Variants in SOX5 observed in about 807,000 individuals in gnomAD.
SOX5 encodes SRY-box transcription factor 5.
Under a neutral mutation model 92.0 loss-of-function variants are expected in SOX5, and 9 were observed. The observed-to-expected ratio is 0.10, with a 90% CI of 0.06 to 0.17. SOX5 has a LOEUF of 0.17. Among genes scored for constraint, SOX5 ranks in the 10% least tolerant of loss-of-function variants. The pLI, the probability that SOX5 is intolerant of heterozygous loss-of-function variation, is 1.00. For missense variants in SOX5, 642 were observed against 944.5 expected (o/e 0.68, Z 4.20); for synonymous variants, 344 against 336.3 (o/e 1.02, Z -0.25).
chr12:23,595,839 T>C (rs1952321428), intron 9 of SOX5, among the ~76,000 whole-genome samples: 1 of 152,154 alleles, frequency 6.6e-6, no homozygotes, highest in African/African-American at 2.4e-5. Context: ...ATTCCAGTTA[T>C]GAGCACACTA....
intron 4 of SOX5, among the ~76,000 whole-genome samples, chr12:24,103,310 T>C (rs138089991): frequency 1.3e-5 from 2 of 152,146 alleles, no homozygotes; most frequent in East Asian, 3.9e-4. Flanking sequence ...TTTCTTGGCT[T>C]TCAGGATCTC....
chr12:24,518,848 TG>T (rs947006168), intron 1 of SOX5, among the ~76,000 whole-genome samples: 1 of 152,230 alleles, frequency 6.6e-6, no homozygotes, highest in Non-Finnish European at 1.5e-5. Flanking sequence ...ATCATTAAAT[TG>T]TTTTACTTCC....
chr12:23,995,947 T>A (rs1950992347), intron 4 of SOX5, among the ~76,000 whole-genome samples: 1 of 152,198 alleles, frequency 6.6e-6, no homozygotes, highest in African/African-American at 2.4e-5. Flanking sequence ...CCTTGGGATA[T>A]ATGTCAGCTC....
At chr12:24,088,754 C>G (rs1944305067) in intron 4 of SOX5, among the ~76,000 whole-genome samples, 1 of 152,074 alleles carries the variant, frequency 6.6e-6, no homozygotes, top group South Asian at 2.1e-4. Context: ...TTAAACTTTT[C>G]CAATTCAACA....
rs76971952 is a variant in SOX5 at position 24,114,052 on chromosome 12, T to G, written c.-2+99291A>C. ...TTGAAGGACTGAGGAGAATTTAGAATTATGGCTAGCATCTGACCCATCTTC... is the reference window on the plus strand; with the variant it reads ...TTGAAGGACTGAGGAGAATTTAGAAGTATGGCTAGCATCTGACCCATCTTC... On this transcript the variant is annotated intron_variant, in intron 4 of 4. Coordinates refer to the SOX5 transcript ENST00000446891. 4.2e-3 allele frequency among the ~76,000 whole-genome samples: 642 copies of G among 152,322 alleles called. 5 individuals carry two copies. The highest frequency in any genetic ancestry group is 0.015 in the African/African-American group (606 of 41,576).
chr12:24,466,287 G>A (rs1002777009), intron 1 of SOX5, among the ~76,000 whole-genome samples: 2 of 151,468 alleles, frequency 1.3e-5, no homozygotes, highest in Non-Finnish European at 2.9e-5. Flanking sequence ...GTATAGCCCA[G>A]GCTGCTGGAG....
intron 6 of SOX5, among the ~76,000 whole-genome samples, chr12:23,713,512 A>G (rs2092240162): frequency 6.6e-6 from 1 of 152,118 alleles, no homozygotes; most frequent in African/African-American, 2.4e-5. Flanking sequence ...GATAATCTAC[A>G]TCATTAATTC....
At chr12:24,142,942 A>G (rs10842281) in intron 4 of SOX5, among the ~76,000 whole-genome samples, 43,228 of 151,538 alleles carry the variant, frequency 0.29, 6,669 homozygotes, top group Non-Finnish European at 0.35. Flanking sequence ...GCACGTGTGC[A>G]AGGAAACTGC....
intron 6 of SOX5, among the ~76,000 whole-genome samples, chr12:23,683,248 T>C (rs1349102923): frequency 1.3e-5 from 2 of 151,904 alleles, no homozygotes; most frequent in Non-Finnish European, 2.9e-5. Context: ...CTTAGCTTTT[T>C]AGTTATTCTG....
At chr12:24,397,355 T>A (rs1960307771) in intron 1 of SOX5, among the ~76,000 whole-genome samples, 1 of 152,190 alleles carries the variant, frequency 6.6e-6, no homozygotes, top group African/African-American at 2.4e-5. Flanking sequence ...CAGCATAAGA[T>A]CTTATCGCCT....
At chr12:24,482,543 A>C (rs1186416183) in intron 1 of SOX5, among the ~76,000 whole-genome samples, 1 of 152,224 alleles carries the variant, frequency 6.6e-6, no homozygotes, top group African/African-American at 2.4e-5. Flanking sequence ...CTCCTAAGAA[A>C]TAAAAATGTT....
At chr12:23,912,256 C>G (rs146706982) in intron 1 of SOX5, among the ~76,000 whole-genome samples, 1 of 152,132 alleles carries the variant, frequency 6.6e-6, no homozygotes, top group African/African-American at 2.4e-5. Flanking sequence ...AGATGCTCAA[C>G]AGCATTAGTT....
At chr12:24,110,816 G>T (rs1008362054) in intron 4 of SOX5, among the ~76,000 whole-genome samples, 22 of 150,180 alleles carry the variant, frequency 1.5e-4, no homozygotes, top group Middle Eastern at 3.2e-3. Context: ...CGGAAGGATG[G>T]CGTGAACCCA....
At chr12:24,374,788 T>C (rs1596041950) in intron 1 of SOX5, among the ~76,000 whole-genome samples, 1 of 152,080 alleles carries the variant, frequency 6.6e-6, no homozygotes, top group African/African-American at 2.4e-5. Context: ...CAGCCCACAC[T>C]CCCAGCCCTA....
intron 4 of SOX5, among the ~76,000 whole-genome samples, chr12:24,057,258 A>G (rs1167524909): frequency 6.6e-6 from 1 of 152,100 alleles, no homozygotes; most frequent in Non-Finnish European, 1.5e-5. Context: ...AAAAACCTAT[A>G]CTCAAAGCAA....
At chr12:23,913,240 C>T (rs1346038582) in intron 1 of SOX5, among the ~76,000 whole-genome samples, 2 of 152,004 alleles carry the variant, frequency 1.3e-5, no homozygotes, top group Non-Finnish European at 2.9e-5. Context: ...TTGGATTTTT[C>T]CCCAAAGAAT....
At position 23,872,164 on chromosome 12, in the gene SOX5, A is replaced by ATTTTTTTTT. The variant is rs71059938; in HGVS notation, c.270+23620_270+23628dup. ...AGGCGCCCGCCACCACGCCCGGCTA[A>ATTTTTTTTT]TTTTTTTTTTTTTTTTTTTTTTTTT... On this transcript the variant is annotated intron_variant, in intron 2 of 14. Coordinates refer to ENST00000451604, the MANE Select transcript of SOX5 (RefSeq NM_006940.6). Among the ~76,000 whole-genome samples the ATTTTTTTTT allele has an allele frequency of 5.2e-4, 32 of 61,650 alleles. 3 individuals carry two copies. Among genetic ancestry groups the ATTTTTTTTT allele is most frequent in the African/African-American group, 1.8e-3 (31 of 17,434 alleles). 40.4% of individuals were successfully genotyped at this position (61,650 alleles called of 152,430 possible). A position where few individuals can be genotyped will look rare whatever the true frequency, so the allele number is the denominator to read the frequency against.
chr12:24,053,307 G>A (rs12425162), intron 4 of SOX5, among the ~76,000 whole-genome samples: 1 of 150,774 alleles, frequency 6.6e-6, no homozygotes, highest in Non-Finnish European at 1.5e-5. Context: ...TTTTTATACT[G>A]TTAGTAGAGA....
intron 6 of SOX5, among the ~76,000 whole-genome samples, chr12:23,684,428 T>C (rs1016659374): frequency 6.6e-6 from 1 of 152,042 alleles, no homozygotes; most frequent in Admixed American, 6.6e-5. Flanking sequence ...AGGCAGCTAC[T>C]AGATCTGCTG....
Sources: allele counts gnomAD v4.1 joint callset (sites outside exome capture counted in the v4.1 genomes callset), GRCh38; gene constraint gnomAD v4.1.1; transcripts MANE v1.5; gene names NCBI Gene and HGNC (gene_info 2026-07-23, HGNC 2026-07-21).